Variants in KIF18A observed in about 807,000 individuals in gnomAD.
The protein encoded by KIF18A is kinesin family member 18A, also known as kinesin-like protein KIF18A.
A neutral mutation model predicts 103.3 loss-of-function variants in KIF18A; 67 were observed. The ratio of observed to expected loss-of-function variants is 0.65; its 90% CI spans 0.53 to 0.79. The LOEUF is 0.79. Ranked by LOEUF, KIF18A falls within the 30% of genes least tolerant of loss-of-function variation. The pLI is 0.00. For synonymous variants in KIF18A, 367 were observed against 355.5 expected (o/e 1.03, Z -0.36); for missense variants, 1,032 against 1,062.5 (o/e 0.97, Z 0.40).
Position 28,062,378 on chromosome 11 carries a change from T to C in KIF18A, c.1712+17A>G. On this transcript the variant is annotated intron_variant, in intron 12 of 16. Transcript: ENST00000263181. ...TATAGTGTTAAAATTGGAAAATAGG[T>C]AAATGTATGTACTCACGCTTCAGTC... is the stretch of plus-strand genomic sequence containing the variant. 2 of 1,576,854 alleles carry C rather than the reference T, an allele frequency of 1.3e-6. No individual in the cohort carries two copies. Among genetic ancestry groups the C allele is most frequent in the Non-Finnish European group, 1.7e-6 (2 of 1,163,290 alleles).
rs1288038607 is a variant in KIF18A at position 28,078,136 on chromosome 11, G to A, written c.1263-967C>T. ...GCATTTAAAAAAAATGTTCTAAACT[G>A]GCCAGAATTTTAGATATACTCATAA... On this transcript the variant is annotated intron_variant, in intron 9 of 16. Transcript: ENST00000263181. Among the ~76,000 whole-genome samples, 5 of 152,118 alleles carry A rather than the reference G, an allele frequency of 3.3e-5. No homozygotes were observed. The East Asian group carries it at 9.7e-4, about 29-fold the overall frequency.
chr11:28,023,864 GT>G lies in KIF18A; in HGVS notation c.2505-15del. On this transcript the variant is annotated splice_polypyrimidine_tract_variant and intron_variant, in intron 15 of 16. Transcript: ENST00000263181. ...TTTGATGTAGAACTTGAGAGGAAAA[GT>G]TTTTAATTTAGTTAAGCATTTTTTT... The G allele has an allele frequency of 6.6e-7, 1 of 1,518,504 alleles. No individual in the cohort carries two copies. The highest frequency in any genetic ancestry group is 2.3e-5 in the East Asian group (1 of 43,934). The allele number at this position is 1,518,504 out of a possible 1,614,324, so 94.1% of individuals were successfully genotyped here. A position where few individuals can be genotyped will look rare whatever the true frequency, so the allele number is the denominator to read the frequency against.
intron 9 of KIF18A, among the ~76,000 whole-genome samples, chr11:28,079,827 C>T (rs1247725098): frequency 6.6e-6 from 1 of 152,018 alleles, no homozygotes; most frequent in Non-Finnish European, 1.5e-5. Flanking sequence ...TCAAGATTAA[C>T]ATCTTGATCC....
In KIF18A at chr11:28,037,194, T is replaced by C. The variant is rs1038315049; in HGVS notation, c.1949-530A>G. 3.3e-5 allele frequency among the ~76,000 whole-genome samples: 5 copies of C among 151,480 alleles called. 1 individual carries two copies. Among genetic ancestry groups the C allele is most frequent in the African/African-American group, 4.8e-5 (2 of 41,334 alleles). On this transcript the variant is annotated intron_variant, in intron 13 of 16. Coordinates refer to ENST00000263181, the MANE Select transcript of KIF18A (RefSeq NM_031217.4). ...GTGTCAGTGACCAGTTTATTACTAATTGAGTGGAAGTCTAGTCTAAATGAA... is the reference window on the plus strand; with the variant it reads ...GTGTCAGTGACCAGTTTATTACTAACTGAGTGGAAGTCTAGTCTAAATGAA...
chr11:28,035,366 C>A (rs774814723), intron 15 of KIF18A, 21 bp downstream of exon 15: 1 of 1,403,488 alleles, frequency 7.1e-7, no homozygotes, highest in Non-Finnish European at 1.0e-6. Context: ...CAGAACCAAA[C>A]CAGTTTATGT....
In KIF18A at chr11:28,026,292, CTTCT is replaced by C. The variant is rs1335517747; in HGVS notation, c.2505-2446_2505-2443del. On this transcript the variant is annotated intron_variant, in intron 15 of 16. Transcript: ENST00000263181. The stretch of plus-strand genomic sequence containing the variant: ...GAAATACATATATAGAGAGCTTCCC[CTTCT>C]TTATTTTAAAAACTATATTAGAATA... Among the ~76,000 whole-genome samples, 6 of 151,776 alleles carry C rather than the reference CTTCT, an allele frequency of 4.0e-5. No homozygotes were observed. The South Asian group carries it at 8.3e-4, about 21-fold the overall frequency.
chr11:28,032,670 G>A (rs1805596023), intron 15 of KIF18A, among the ~76,000 whole-genome samples: 1 of 151,872 alleles, frequency 6.6e-6, no homozygotes, highest in African/African-American at 2.4e-5. Flanking sequence ...TCCATATGCA[G>A]AAGAATGAAG....
intron 8 of KIF18A, 49 bp downstream of exon 8, chr11:28,083,120 A>G (rs1188754951): frequency 3.2e-6 from 5 of 1,556,754 alleles, no homozygotes; most frequent in Admixed American, 2.3e-5. Context: ...ATAAAATTCT[A>G]TAAATGAAGA....
At chr11:28,022,940 A>G (rs1414449706) in intron 16 of KIF18A, among the ~76,000 whole-genome samples, 1 of 152,232 alleles carries the variant, frequency 6.6e-6, no homozygotes, top group African/African-American at 2.4e-5. Flanking sequence ...TAGAAAAATT[A>G]TATCATGAGA....
In KIF18A at chr11:28,036,385, T is replaced by C; in HGVS notation, c.2228A>G (p.Asn743Ser). ...TACTTCACACAACATTTTCAGACAA[T>C]TATCACTGTTTATGTTTGAGCTGAT... ...QAISSNINSD[N>S]CLKMLCEVAI... Residue 743 changes from asparagine (N) to serine (S), a missense_variant, in exon 14 of 17, where the codon AAT becomes AGT. Transcript: ENST00000263181. 1 of 1,611,282 alleles carries C rather than the reference T, an allele frequency of 6.2e-7. No homozygotes were observed. The highest frequency in any genetic ancestry group is 8.5e-7 in the Non-Finnish European group (1 of 1,178,236).
intron 13 of KIF18A, among the ~76,000 whole-genome samples, chr11:28,047,056 G>GAAAAA (rs60204007): frequency 4.2e-5 from 3 of 71,096 alleles, no homozygotes; most frequent in African/African-American, 6.7e-5. Flanking sequence ...CTTCGTCTCA[G>GAAAAA]AAAAAAAAAA....
In KIF18A at chr11:28,036,534, A is replaced by T. The variant is rs374870078; in HGVS notation, c.2079T>A (p.Asn693Lys). 8 of 1,611,260 alleles carry T rather than the reference A, an allele frequency of 5.0e-6. No homozygotes were observed. Among genetic ancestry groups the T allele is most frequent in the African/African-American group, 1.3e-5 (1 of 74,716 alleles). The change falls in exon 14 of 17, where the codon AAT becomes AAA. Residue 693 changes from asparagine (N) to lysine (K), a missense_variant. By Grantham distance (94) the Asn-to-Lys change is moderately conservative (BLOSUM62 0). Coordinates refer to ENST00000263181, the MANE Select transcript of KIF18A (RefSeq NM_031217.4). ...GCTGAAGTTCTTTGCTAAGAGAATCATTGAGCTGCACACTTTGAGATGGTG... is the reference window on the plus strand; with the variant it reads ...GCTGAAGTTCTTTGCTAAGAGAATCTTTGAGCTGCACACTTTGAGATGGTG... ...KSPPSQSVQL[N>K]DSLSKELQPI...
In KIF18A at chr11:28,088,636, G is replaced by T. The variant is rs1164940578; in HGVS notation, c.785C>A (p.Ser262Tyr). Residue 262 changes from serine to tyrosine, a missense_variant, in exon 6 of 17, where the codon TCT (serine) becomes TAT (tyrosine). Physicochemically the swap from Ser to Tyr is moderately radical, Grantham distance 144. Transcript: ENST00000263181. Reference sequence around the variant, plus strand: ...AGCACCGGAAGTACTTGCTCGCTCAGATCCTGCCAGGTCAATGAGTGACAT... The same window carrying T: ...AGCACCGGAAGTACTTGCTCGCTCATATCCTGCCAGGTCAATGAGTGACAT... The part of the protein sequence containing the change: ...AKMSLIDLAG[S>Y]ERASTSGAKG... 6.2e-7 allele frequency: 1 copy of T among 1,614,028 alleles called. No homozygotes were observed. Among genetic ancestry groups the T allele is most frequent in the Admixed American group, 1.7e-5 (1 of 60,004 alleles).
chr11:28,035,592 A>AT (rs1347786598), intron 14 of KIF18A, 98 bp from the exon 15 acceptor site: 2 of 560,670 alleles, frequency 3.6e-6, no homozygotes, highest in Non-Finnish European at 5.7e-6. Flanking sequence ...ACCATTTGGT[A>AT]TTAATATATA....
At position 28,021,118 on chromosome 11, in the gene KIF18A, T is replaced by A; in HGVS notation, c.*82A>T. The stretch of plus-strand genomic sequence containing the variant: ...TTAAGATGGGTCTTCTTTCAAAGAT[T>A]TTAAATATATTTTTGAAAGGGTATT... On this transcript the variant is annotated 3_prime_UTR_variant, in exon 17 of 17. Transcript: ENST00000263181. 1 of 1,272,084 alleles carries A rather than the reference T, an allele frequency of 7.9e-7. No individual in the cohort carries two copies. Among genetic ancestry groups the A allele is most frequent in the South Asian group, 2.1e-5 (1 of 46,660 alleles). The allele number at this position is 1,272,084 out of a possible 1,614,324, so 78.8% of individuals were successfully genotyped here.
At chr11:28,107,889 A>C (rs575395813) in intron 1 of KIF18A, among the ~76,000 whole-genome samples, 175 bp downstream of exon 1, 1 of 152,260 alleles carries the variant, frequency 6.6e-6, no homozygotes, top group South Asian at 2.1e-4. Context: ...TGCTCTTAGC[A>C]GGTTCTCGAA....
rs538371354 is a variant in KIF18A at position 28,091,394 on chromosome 11, T to A, written c.588+15A>T. 2.2e-6 allele frequency: 3 copies of A among 1,360,502 alleles called. No homozygotes were observed. The highest frequency in any genetic ancestry group is 3.1e-6 in the Non-Finnish European group (3 of 958,080). 84.3% of individuals were successfully genotyped at this position (1,360,502 alleles called of 1,614,324 possible). ...TTTGCTATTCTAACAGGGAAAAAGA[T>A]GTTTATATACATACCTGGTGTAAAG... On this transcript the variant is annotated intron_variant, in intron 4 of 16. Coordinates refer to ENST00000263181, the MANE Select transcript of KIF18A (RefSeq NM_031217.4).
At chr11:28,024,119 G>T (rs373256914) in intron 15 of KIF18A, among the ~76,000 whole-genome samples, 72 of 149,698 alleles carry the variant, frequency 4.8e-4, no homozygotes, top group African/African-American at 1.7e-3. Context: ...ATATTCCAGG[G>T]TGCTTTGCTG....
intron 13 of KIF18A, among the ~76,000 whole-genome samples, chr11:28,050,999 A>C (rs1198537340): frequency 6.6e-6 from 1 of 151,916 alleles, no homozygotes; most frequent in Non-Finnish European, 1.5e-5. Flanking sequence ...TGTCACAAAA[A>C]TACAAAATAT....
Sources: gnomAD v4.1 joint callset for allele counts (sites outside exome capture counted in the v4.1 genomes callset) on GRCh38, gnomAD v4.1.1 for gene constraint, MANE v1.5 for transcripts, NCBI Gene and HGNC (gene_info 2026-07-23, HGNC 2026-07-21) for gene names.